The following FHOD3 variants were observed in gnomAD, a reference collection of about 807,000 sequenced individuals.
FHOD3 encodes formin homology 2 domain containing 3, also known as FH1/FH2 domain-containing protein 3.
FHOD3 carries 90 observed loss-of-function variants against 173.0 expected under a neutral mutation model. That is an observed-to-expected ratio of 0.52 (90% confidence interval 0.44 to 0.62). FHOD3 has a LOEUF of 0.62. Among genes scored for constraint, FHOD3 ranks in the 20% least tolerant of loss-of-function variants. FHOD3 has a pLI of 0.00. For missense variants in FHOD3, 1,945 were observed against 2,034.7 expected (o/e 0.96, Z 0.85); for synonymous variants, 828 against 823.0 (o/e 1.01, Z -0.10).
rs1009842069 is a variant in FHOD3, at chr18:36,336,433, T to C, written c.166-19106T>C. Among the ~76,000 whole-genome samples the C allele has an allele frequency of 2.0e-5, 3 of 152,298 alleles. No homozygotes were observed. The East Asian group carries it at 5.8e-4, about 29-fold the overall frequency. ...CAATAAGATGGTGACTGATGACAGA[T>C]CTTAATCTCATAGATGGTAATCTGT... On this transcript the variant is annotated intron_variant, in intron 1 of 28. Coordinates refer to ENST00000590592, the MANE Select transcript of FHOD3 (RefSeq NM_001281740.3).
At chr18:36,624,144 T>G (rs1338045861) in intron 9 of FHOD3, among the ~76,000 whole-genome samples, 1 of 152,146 alleles carries the variant, frequency 6.6e-6, no homozygotes, top group African/African-American at 2.4e-5. Context: ...ATTAAGGAAT[T>G]TATGGGCATC....
intron 5 of FHOD3, among the ~76,000 whole-genome samples, chr18:36,526,219 AG>A (rs2056503588): frequency 6.6e-6 from 1 of 152,252 alleles, no homozygotes; most frequent in Non-Finnish European, 1.5e-5. Flanking sequence ...TCTAAGTAAA[AG>A]TGGATAGACA....
At chr18:36,757,917 T>C (rs2042701111) in intron 25 of FHOD3, among the ~76,000 whole-genome samples, 1 of 152,190 alleles carries the variant, frequency 6.6e-6, no homozygotes, top group East Asian at 1.9e-4. Context: ...CCCAGGCTGG[T>C]CAATCCCAGG....
At chr18:36,449,582 CAG>C (rs1357283694) in intron 3 of FHOD3, among the ~76,000 whole-genome samples, 1 of 152,186 alleles carries the variant, frequency 6.6e-6, no homozygotes, top group Non-Finnish European at 1.5e-5. Flanking sequence ...GCTTATTCCA[CAG>C]AGTTTTACTC....
At chr18:36,478,129 G>C (rs1488729807) in intron 3 of FHOD3, among the ~76,000 whole-genome samples, 1 of 152,168 alleles carries the variant, frequency 6.6e-6, no homozygotes, top group Non-Finnish European at 1.5e-5. Context: ...GTTCTGAAAG[G>C]TGAGCAGTAA....
chr18:36,484,313 G>A (rs1256513658), intron 3 of FHOD3, among the ~76,000 whole-genome samples: 2 of 151,926 alleles, frequency 1.3e-5, no homozygotes, highest in Non-Finnish European at 2.9e-5. Flanking sequence ...CTGAACCTCC[G>A]ATGACCTGCT....
At chr18:36,472,174 T>A (rs2053321539) in intron 3 of FHOD3, among the ~76,000 whole-genome samples, 1 of 152,208 alleles carries the variant, frequency 6.6e-6, no homozygotes. Flanking sequence ...TCTATTAAGA[T>A]GCAGCTTTTA....
intron 4 of FHOD3, among the ~76,000 whole-genome samples, chr18:36,509,257 C>T (rs1024540922): frequency 6.6e-6 from 1 of 151,914 alleles, no homozygotes; most frequent in African/African-American, 2.4e-5. Flanking sequence ...CTGTGAAAAA[C>T]AGTATTTATG....
In FHOD3 at chr18:36,760,835, G is replaced by C. The variant is rs537747805; in HGVS notation, c.4624+53G>C. The C allele has an allele frequency of 7.2e-6, 11 of 1,521,754 alleles. 1 individual carries two copies. In the East Asian group the frequency reaches 7.2e-5, roughly 10 times the overall value. 94.3% of individuals were successfully genotyped at this position (1,521,754 alleles called of 1,614,324 possible). ...TTGTCTTCTCAGGTTGGCCGCTCTG[G>C]GGGGGTCCGGTCTCCATCGCAGGCT... On this transcript the variant is annotated intron_variant, in intron 27 of 28. Transcript: ENST00000590592.
chr18:36,671,837 A>G (rs971510949), intron 14 of FHOD3, among the ~76,000 whole-genome samples: 2 of 152,230 alleles, frequency 1.3e-5, no homozygotes, highest in Non-Finnish European at 2.9e-5. Flanking sequence ...CCCAAAGGCA[A>G]CAAGGGAGTA....
intron 3 of FHOD3, among the ~76,000 whole-genome samples, chr18:36,418,840 G>A (rs1188089483): frequency 6.6e-6 from 1 of 152,066 alleles, no homozygotes; most frequent in Non-Finnish European, 1.5e-5. Context: ...CTTGAGCCCG[G>A]GAGGCAGAGG....
In FHOD3 at chr18:36,652,679, G is replaced by C; in HGVS notation, c.1396G>C (p.Val466Leu). 1 of 1,535,740 alleles carries C rather than the reference G, an allele frequency of 6.5e-7. No homozygotes were observed. Among genetic ancestry groups the C allele is most frequent in the Non-Finnish European group, 8.7e-7 (1 of 1,146,682 alleles). Residue 466 changes from valine to leucine, a missense_variant, in exon 12 of 29, where the codon GTT (valine) becomes CTT (leucine). This residue lies in a region of FHOD3 where 1,099 missense variants were observed against 1,051.2 expected (regional missense o/e 1.05). Coordinates refer to ENST00000590592, the MANE Select transcript of FHOD3 (RefSeq NM_001281740.3). ...NASSQGKPLL[V>L]GTAGGTTWHS... The stretch of plus-strand genomic sequence containing the variant: ...CAGCTCGCAGGGAAAGCCGCTTCTG[G>C]TTGGCACTGCAGGCGGGACCACCTG...
At chr18:36,323,515 C>A (rs1194994077) in intron 1 of FHOD3, among the ~76,000 whole-genome samples, 3 of 152,180 alleles carry the variant, frequency 2.0e-5, no homozygotes, top group Non-Finnish European at 2.9e-5. Flanking sequence ...CCAGGGTTTC[C>A]TTGTGGTTGG....
At chr18:36,454,371 A>G (rs933281156) in intron 3 of FHOD3, among the ~76,000 whole-genome samples, 1 of 152,108 alleles carries the variant, frequency 6.6e-6, no homozygotes, top group Non-Finnish European at 1.5e-5. Flanking sequence ...ATGAGCGCAT[A>G]TAGGAGCACA....
At chr18:36,328,402 G>A (rs770788721) in intron 1 of FHOD3, among the ~76,000 whole-genome samples, 1 of 152,096 alleles carries the variant, frequency 6.6e-6, no homozygotes, top group African/African-American at 2.4e-5. Context: ...AGATGGGAGT[G>A]TGCCTAGCAT....
At chr18:36,499,040 CA>C (rs998215067) in intron 3 of FHOD3, among the ~76,000 whole-genome samples, 2 of 152,150 alleles carry the variant, frequency 1.3e-5, no homozygotes, top group African/African-American at 4.8e-5. Context: ...CATCTGCTAA[CA>C]AGTAAGAAGG....
At chr18:36,299,586 C>G (rs892349514) in intron 1 of FHOD3, among the ~76,000 whole-genome samples, 3 of 152,148 alleles carry the variant, frequency 2.0e-5, no homozygotes, top group African/African-American at 7.2e-5. Context: ...AAGCTGGGAG[C>G]TGCAGTATGT....
intron 1 of FHOD3, among the ~76,000 whole-genome samples, chr18:36,344,069 T>C (rs1349167368): frequency 6.6e-6 from 1 of 152,132 alleles, no homozygotes; most frequent in African/African-American, 2.4e-5. Flanking sequence ...TTGAAATAGG[T>C]GAATTATGTG....
chr18:36,321,073 G>C (rs2044369534), intron 1 of FHOD3, among the ~76,000 whole-genome samples: 1 of 87,596 alleles, frequency 1.1e-5, no homozygotes, highest in Non-Finnish European at 2.4e-5. Context: ...GAGATTTCCT[G>C]TGATTTTTTT....
Sources: allele counts gnomAD v4.1 joint callset (sites outside exome capture counted in the v4.1 genomes callset), GRCh38; gene constraint gnomAD v4.1.1; regional missense constraint gnomAD v4.1.1; transcripts MANE v1.5; gene names NCBI Gene and HGNC (gene_info 2026-07-23, HGNC 2026-07-21).